The following CHD9 variants were observed in gnomAD, a reference collection of about 807,000 sequenced individuals.
CHD9 encodes ATP-dependent chromatin remodeler CHD9.
CHD9 carries 77 observed loss-of-function variants against 316.1 expected under a neutral mutation model. That is an observed-to-expected ratio of 0.24 (90% CI 0.20 to 0.29). The LOEUF (loss-of-function observed/expected upper bound fraction) is 0.29. Among genes scored for constraint, CHD9 ranks in the 10% least tolerant of loss-of-function variants. The pLI, the probability that CHD9 is intolerant of heterozygous loss-of-function variation, is 1.00. For synonymous variants in CHD9, 1,129 were observed against 1,158.3 expected (o/e 0.97, Z 0.51); for missense variants, 2,763 against 3,438.1 (o/e 0.80, Z 4.91).
At chr16:53,211,808 T>C (rs963221653) in intron 3 of CHD9, among the ~76,000 whole-genome samples, 4 of 152,196 alleles carry the variant, frequency 2.6e-5, no homozygotes, top group Non-Finnish European at 5.9e-5. Context: ...ATGAAATTCA[T>C]ATACAATCCA....
chr16:53,210,765 G>A (rs970762294), intron 3 of CHD9, among the ~76,000 whole-genome samples: 1 of 151,944 alleles, frequency 6.6e-6, no homozygotes, highest in Non-Finnish European at 1.5e-5. Flanking sequence ...TAGAACTAAT[G>A]CAATTTTATA....
intron 1 of CHD9, among the ~76,000 whole-genome samples, chr16:53,087,382 A>G (rs1259988889): frequency 6.6e-6 from 1 of 152,186 alleles, no homozygotes. Flanking sequence ...CAGATGCTCT[A>G]CTGCTGACTT....
chr16:53,057,948 C>T (rs755408233), intron 1 of CHD9, among the ~76,000 whole-genome samples: 11 of 152,082 alleles, frequency 7.2e-5, no homozygotes, highest in African/African-American at 1.2e-4. Context: ...GTACAGTTGA[C>T]GTGCTGTCTA....
intron 32 of CHD9, among the ~76,000 whole-genome samples, chr16:53,307,390 C>T (rs1354720145): frequency 6.6e-6 from 1 of 151,972 alleles, no homozygotes; most frequent in Non-Finnish European, 1.5e-5. Context: ...TGGTCTCAAT[C>T]TCCTGGCTTC....
chr16:53,191,234 A>T (rs751459765), intron 2 of CHD9, among the ~76,000 whole-genome samples: 1 of 151,982 alleles, frequency 6.6e-6, no homozygotes, highest in African/African-American at 2.4e-5. Flanking sequence ...TTCACCATTT[A>T]TATTATTTTA....
intron 2 of CHD9, among the ~76,000 whole-genome samples, chr16:53,194,665 A>C (rs143142755): frequency 6.6e-6 from 1 of 152,316 alleles, no homozygotes; most frequent in Admixed American, 6.5e-5. Flanking sequence ...CAGAAATGTG[A>C]GTATAGATTT....
chr16:53,146,428 TATATATATAA>T (rs2040620339), intron 1 of CHD9, among the ~76,000 whole-genome samples: 1 of 130,200 alleles, frequency 7.7e-6, no homozygotes, highest in African/African-American at 3.0e-5. Context: ...TGTATATATA[TATATATATAA>T]TTAAAAAGTT....
chr16:53,291,254 T>C (rs2054307422), intron 27 of CHD9, among the ~76,000 whole-genome samples: 1 of 152,184 alleles, frequency 6.6e-6, no homozygotes, highest in African/African-American at 2.4e-5. Flanking sequence ...TTGGAATAGC[T>C]AATTAAAGAT....
chr16:53,304,683 CTTTTCT>C (rs1210309036), intron 31 of CHD9, 58 bp downstream of exon 31: 5 of 1,052,224 alleles, frequency 4.8e-6, no homozygotes, highest in Non-Finnish European at 6.4e-6. Flanking sequence ...CTTTTCTTTT[CTTTTCT>C]TTTCTTTTTT....
chr16:53,087,613 T>A (rs562545983), intron 1 of CHD9, among the ~76,000 whole-genome samples: 31 of 152,176 alleles, frequency 2.0e-4, no homozygotes, highest in Non-Finnish European at 4.0e-4. Flanking sequence ...TATGAGATAA[T>A]GTCATATTCC....
At chr16:53,199,968 G>A (rs934130791) in intron 2 of CHD9, among the ~76,000 whole-genome samples, 2 of 152,172 alleles carry the variant, frequency 1.3e-5, no homozygotes, top group Non-Finnish European at 2.9e-5. Flanking sequence ...TGGCACGGTG[G>A]CTCATGCCTG....
chr16:53,129,201 C>T (rs908896501), intron 1 of CHD9, among the ~76,000 whole-genome samples: 4 of 152,218 alleles, frequency 2.6e-5, no homozygotes, highest in African/African-American at 9.7e-5. Context: ...CGTTCTCTAT[C>T]AGATGATGGG....
In CHD9 at chr16:53,239,156, A is replaced by G. The variant is rs529261005; in HGVS notation, c.2877+570A>G. Among the ~76,000 whole-genome samples, 6 of 152,216 alleles carry G rather than the reference A, an allele frequency of 3.9e-5. No homozygotes were observed. The East Asian group carries it at 1.2e-3, about 29-fold the overall frequency. The stretch of plus-strand genomic sequence containing the variant: ...GTGGTTTGATGATGTTCCTCTCTCC[A>G]TGTATTTTAGAGGAGCATTTTCTAT... On this transcript the variant is annotated intron_variant, in intron 12 of 38. Transcript: ENST00000447540.
At chr16:53,086,021 G>A (rs1218401369) in intron 1 of CHD9, among the ~76,000 whole-genome samples, 1 of 152,150 alleles carries the variant, frequency 6.6e-6, no homozygotes, top group Non-Finnish European at 1.5e-5. Context: ...TGAGAGCTTT[G>A]GGGAGTTTAT....
chr16:53,320,198 TAA>T (rs558919362), intron 37 of CHD9, among the ~76,000 whole-genome samples: 20 of 126,896 alleles, frequency 1.6e-4, no homozygotes, highest in Admixed American at 2.5e-4. Context: ...TGAGTCTCTT[TAA>T]AAAAAAAAAA....
At chr16:53,174,927 A>C (rs2043002011) in intron 2 of CHD9, among the ~76,000 whole-genome samples, 1 of 152,104 alleles carries the variant, frequency 6.6e-6, no homozygotes, top group African/African-American at 2.4e-5. Context: ...AAATATTCTT[A>C]AGTTTTGTTC....
intron 11 of CHD9, among the ~76,000 whole-genome samples, chr16:53,236,300 G>C (rs972908364): frequency 6.6e-6 from 1 of 151,938 alleles, no homozygotes; most frequent in African/African-American, 2.4e-5. Flanking sequence ...CTGCTTCATA[G>C]AGAAACCCGG....
intron 24 of CHD9, 69 bp from the exon 25 acceptor site, chr16:53,285,527 G>A (rs1388696273): frequency 2.5e-6 from 2 of 804,598 alleles, no homozygotes; most frequent in African/African-American, 3.5e-5. Flanking sequence ...TTAAAAGCTA[G>A]GTAAAATTTT....
At chr16:53,319,829 G>A (rs2057141599) in intron 37 of CHD9, 1 of 1,262,876 alleles carries the variant, frequency 7.9e-7, no homozygotes, top group South Asian at 1.3e-5. Flanking sequence ...GGATTGATGA[G>A]TTATTAAGGA....
Sources: allele counts gnomAD v4.1 joint callset (sites outside exome capture counted in the v4.1 genomes callset), GRCh38; gene constraint gnomAD v4.1.1; transcripts MANE v1.5; gene names NCBI Gene and HGNC (gene_info 2026-07-23, HGNC 2026-07-21).